ZNF609: variants seen among roughly 807,000 people sequenced by gnomAD.
The protein encoded by ZNF609 is zinc finger protein 609.
A neutral mutation model predicts 109.5 loss-of-function variants in ZNF609; 11 were observed. That is an observed-to-expected ratio of 0.10 (90% CI 0.06 to 0.17). The LOEUF (loss-of-function observed/expected upper bound fraction) is 0.17. Among genes scored for constraint, ZNF609 ranks in the 10% least tolerant of loss-of-function variants. ZNF609 has a pLI of 1.00. For synonymous variants in ZNF609, 646 were observed against 662.0 expected (o/e 0.98, Z 0.37); for missense variants, 1,559 against 1,772.4 (o/e 0.88, Z 2.16).
At chr15:64,593,719 AG>A (rs538619788) in intron 2 of ZNF609, among the ~76,000 whole-genome samples, 33 of 152,302 alleles carry the variant, frequency 2.2e-4, no homozygotes, top group African/African-American at 7.5e-4. Flanking sequence ...TTGTAGGTAC[AG>A]GGTTTCACCA....
intron 2 of ZNF609, among the ~76,000 whole-genome samples, chr15:64,586,264 T>A (rs1895194412): frequency 6.7e-6 from 1 of 149,710 alleles, no homozygotes; most frequent in African/African-American, 2.5e-5. Flanking sequence ...AGGCAGAGGT[T>A]GCGGTGAGCC....
At chr15:64,569,628 A>G (rs1011951646) in intron 2 of ZNF609, among the ~76,000 whole-genome samples, 2 of 152,250 alleles carry the variant, frequency 1.3e-5, no homozygotes, top group Non-Finnish European at 2.9e-5. Flanking sequence ...GACTGGGGTT[A>G]GAGGGCTCCC....
chr15:64,675,425 C>G lies in ZNF609; in HGVS notation c.2571C>G (p.Gly857=). Reference sequence around the variant, plus strand: ...CTGATGCTGGGGAGGATGGGGAGGGCAAGGTAGACAGTGTCAAATCAAAGG... The same window carrying G: ...CTGATGCTGGGGAGGATGGGGAGGGGAAGGTAGACAGTGTCAAATCAAAGG... The part of the protein sequence containing the change: ...DISDAGEDGE[G]KVDSVKSKDA... Residue 857 remains glycine (G), a synonymous_variant, in exon 5 of 10, where the codon GGC becomes GGG. Transcript: ENST00000326648. The G allele has an allele frequency of 6.2e-7, 1 of 1,614,152 alleles. No homozygotes were observed. Among genetic ancestry groups the G allele is most frequent in the Admixed American group, 1.7e-5 (1 of 60,018 alleles).
At chr15:64,637,478 G>A (rs1028687609) in intron 3 of ZNF609, among the ~76,000 whole-genome samples, 10 of 152,192 alleles carry the variant, frequency 6.6e-5, no homozygotes, top group African/African-American at 2.4e-4. Flanking sequence ...CCCAAAATGT[G>A]TAAACCAATT....
chr15:64,603,997 C>CAAAAAA (rs34675102), intron 2 of ZNF609, among the ~76,000 whole-genome samples: 1 of 65,200 alleles, frequency 1.5e-5, no homozygotes, highest in Non-Finnish European at 3.0e-5. Context: ...GACTCCGTCT[C>CAAAAAA]AAAAAAAAAA....
At chr15:64,680,489 C>T (rs1896867872) in intron 7 of ZNF609, 129 bp downstream of exon 7, 1 of 1,327,328 alleles carries the variant, frequency 7.5e-7, no homozygotes. Flanking sequence ...CTGGCAGCCC[C>T]CAGGGCATCT....
chr15:64,565,836 CTTTATTTTAT>C (rs146293124), intron 2 of ZNF609, among the ~76,000 whole-genome samples: 64 of 151,982 alleles, frequency 4.2e-4, no homozygotes, highest in South Asian at 2.5e-3. Flanking sequence ...AATTGAAGTA[CTTTATTTTAT>C]TTTATTTTAT....
rs1423090387 is a variant in ZNF609, at chr15:64,684,867, G to C, written c.*3181G>C. On this transcript the variant is annotated 3_prime_UTR_variant, in exon 10 of 10. Coordinates refer to ENST00000326648, the MANE Select transcript of ZNF609 (RefSeq NM_015042.2). ...CCATAATTCTGGGCCTTTGTTGTTTGTTTTAATTACTTGGGCATCCCAGGA... is the reference window on the plus strand; with the variant it reads ...CCATAATTCTGGGCCTTTGTTGTTTCTTTTAATTACTTGGGCATCCCAGGA... 6.6e-6 allele frequency: 1 copy of C among 152,620 alleles called. No homozygotes were observed. The highest frequency in any genetic ancestry group is 1.5e-5 in the Non-Finnish European group (1 of 68,050). The allele number at this position is 152,620 out of a possible 1,614,324, so 9.5% of individuals were successfully genotyped here. A position where few individuals can be genotyped will look rare whatever the true frequency, so the allele number is the denominator to read the frequency against.
At chr15:64,482,212 A>G (rs1659643466) in intron 1 of ZNF609, among the ~76,000 whole-genome samples, 1 of 152,218 alleles carries the variant, frequency 6.6e-6, no homozygotes. Flanking sequence ...TTTCTTTCCA[A>G]CCAGATTAAA....
intron 2 of ZNF609, among the ~76,000 whole-genome samples, chr15:64,597,925 G>A (rs1895425466): frequency 6.6e-6 from 1 of 151,992 alleles, no homozygotes; most frequent in African/African-American, 2.4e-5. Flanking sequence ...CTTATAGTAA[G>A]CCTTCACTAT....
At chr15:64,540,048 C>T (rs956788026) in intron 2 of ZNF609, among the ~76,000 whole-genome samples, 5 of 152,222 alleles carry the variant, frequency 3.3e-5, no homozygotes, top group Admixed American at 6.5e-5. Context: ...GGTGGGATTA[C>T]AGGTGTGAAC....
chr15:64,541,265 A>T (rs1327741522), intron 2 of ZNF609, among the ~76,000 whole-genome samples: 2 of 149,680 alleles, frequency 1.3e-5, no homozygotes, highest in Non-Finnish European at 3.0e-5. Context: ...GTCTCTACTA[A>T]AAATACAAAA....
chr15:64,672,759 A>G (rs1896753818), intron 4 of ZNF609, among the ~76,000 whole-genome samples: 1 of 146,948 alleles, frequency 6.8e-6, no homozygotes, highest in South Asian at 2.2e-4. Flanking sequence ...AGGTCGGGAG[A>G]TCGAGACCAT....
At chr15:64,530,758 C>T (rs1268437794) in intron 2 of ZNF609, among the ~76,000 whole-genome samples, 2 of 152,162 alleles carry the variant, frequency 1.3e-5, no homozygotes, top group Non-Finnish European at 2.9e-5. Flanking sequence ...ATATTCCCTG[C>T]TAACTTGACT....
chr15:64,606,207 G>T (rs1231265848), intron 2 of ZNF609, among the ~76,000 whole-genome samples: 2 of 151,278 alleles, frequency 1.3e-5, no homozygotes, highest in African/African-American at 4.9e-5. Context: ...TCAACCTCCT[G>T]GGCTCAAGCA....
chr15:64,476,572 A>G (rs1303454102), intron 1 of ZNF609, among the ~76,000 whole-genome samples: 4 of 152,132 alleles, frequency 2.6e-5, no homozygotes, highest in Admixed American at 6.6e-5. Flanking sequence ...GAGAAAGGCA[A>G]TGTCTACAGT....
At position 64,674,838 on chromosome 15, in the gene ZNF609, G is replaced by A. The variant is rs202097329; in HGVS notation, c.1984G>A (p.Ala662Thr). ...AAAGTCAGCCCGTCCCATTGCCCCT[G>A]CCATCCCCCCACAGCAAATCTACAC... is the stretch of plus-strand genomic sequence containing the variant. ...SLKSARPIAPAIPPQQIYTFQ... is the reference protein window; with the variant it reads ...SLKSARPIAPTIPPQQIYTFQ... The change falls in exon 5 of 10, where the codon GCC (alanine) becomes ACC (threonine). Residue 662 changes from alanine to threonine, a missense_variant. By Grantham distance (58) the Ala-to-Thr change is moderately conservative. Transcript: ENST00000326648. 285 of 1,613,992 alleles carry A rather than the reference G, an allele frequency of 1.8e-4. No homozygotes were observed. Among genetic ancestry groups the A allele is most frequent in the Non-Finnish European group, 2.3e-4 (276 of 1,180,032 alleles).
chr15:64,628,985 A>C (rs1342911758), intron 3 of ZNF609, among the ~76,000 whole-genome samples: 2 of 152,094 alleles, frequency 1.3e-5, no homozygotes, highest in Non-Finnish European at 2.9e-5. Flanking sequence ...TTTGACTGAA[A>C]TATTTCTCAT....
At chr15:64,511,865 C>A (rs1893736854) in intron 2 of ZNF609, among the ~76,000 whole-genome samples, 1 of 151,926 alleles carries the variant, frequency 6.6e-6, no homozygotes, top group Admixed American at 6.6e-5. Context: ...CAGGCACACT[C>A]CACCACGCCC....
Sources: allele counts gnomAD v4.1 joint callset (sites outside exome capture counted in the v4.1 genomes callset), GRCh38; gene constraint gnomAD v4.1.1; transcripts MANE v1.5; gene names NCBI Gene and HGNC (gene_info 2026-07-23, HGNC 2026-07-21).